GRIP1: variants seen among roughly 807,000 people sequenced by gnomAD.
The protein encoded by GRIP1 is glutamate receptor interacting protein 1.
A neutral mutation model predicts 129.9 loss-of-function variants in GRIP1; 45 were observed. That is an observed-to-expected ratio of 0.35 (90% CI 0.27 to 0.44). The LOEUF (loss-of-function observed/expected upper bound fraction) is 0.44, where lower values mean the gene tolerates loss of function less well. Among genes scored for constraint, GRIP1 ranks in the 20% least tolerant of loss-of-function variants. The probability of loss-of-function intolerance (pLI) is 1.00; values close to 1 mark genes in which losing one functional copy is unlikely to be tolerated. For missense variants in GRIP1, 1,196 were observed against 1,396.8 expected (o/e 0.86, Z 2.29); for synonymous variants, 530 against 520.8 (o/e 1.02, Z -0.24).
At chr12:66,743,392 A>T (rs138648526) in intron 1 of GRIP1, among the ~76,000 whole-genome samples, 3 of 152,144 alleles carry the variant, frequency 2.0e-5, no homozygotes, top group African/African-American at 7.2e-5. Context: ...GTGACCAGGG[A>T]AACTTTATTA....
intron 19 of GRIP1, among the ~76,000 whole-genome samples, chr12:66,386,574 C>G (rs889737625): frequency 6.6e-6 from 1 of 152,100 alleles, no homozygotes; most frequent in Non-Finnish European, 1.5e-5. Context: ...GCGGAGCTTA[C>G]AGTGAGCTGA....
intron 1 of GRIP1, among the ~76,000 whole-genome samples, chr12:66,759,400 C>T (rs999894329): frequency 1.3e-5 from 2 of 152,212 alleles, no homozygotes; most frequent in African/African-American, 2.4e-5. Flanking sequence ...GCCTCTGGGC[C>T]TGTGATGGGA....
At chr12:66,575,341 T>C (rs2063106069) in intron 2 of GRIP1, among the ~76,000 whole-genome samples, 1 of 152,172 alleles carries the variant, frequency 6.6e-6, no homozygotes, top group African/African-American at 2.4e-5. Context: ...CCCAGAAATA[T>C]TGGGAAAAAC....
intron 1 of GRIP1, among the ~76,000 whole-genome samples, chr12:66,891,070 T>G (rs1207901029): frequency 6.6e-6 from 1 of 152,246 alleles, no homozygotes; most frequent in African/African-American, 2.4e-5. Flanking sequence ...ATAAAGTAAC[T>G]AGAAGTCATG....
chr12:66,993,033 G>A (rs555030796), intron 1 of GRIP1, among the ~76,000 whole-genome samples: 1 of 152,062 alleles, frequency 6.6e-6, no homozygotes, highest in Non-Finnish European at 1.5e-5. Flanking sequence ...AGCATCTCTT[G>A]AGCCCAGGAG....
At chr12:66,789,587 T>G (rs1381828963) in intron 1 of GRIP1, among the ~76,000 whole-genome samples, 1 of 151,978 alleles carries the variant, frequency 6.6e-6, no homozygotes, top group African/African-American at 2.4e-5. Context: ...TACAAATAGA[T>G]AATGGTCCAT....
chr12:67,002,587 A>G (rs1292346324), intron 1 of GRIP1, among the ~76,000 whole-genome samples: 1 of 152,214 alleles, frequency 6.6e-6, no homozygotes. Context: ...TTAAAGAAAC[A>G]AAAACAATTA....
At chr12:66,859,903 C>T (rs1388710397) in intron 1 of GRIP1, among the ~76,000 whole-genome samples, 4 of 152,028 alleles carry the variant, frequency 2.6e-5, no homozygotes, top group Non-Finnish European at 5.9e-5. Flanking sequence ...ACTAATTCTT[C>T]ATCTGAAGGT....
At chr12:66,482,082 G>T (rs1478050708) in intron 7 of GRIP1, among the ~76,000 whole-genome samples, 5 of 152,084 alleles carry the variant, frequency 3.3e-5, no homozygotes, top group African/African-American at 1.2e-4. Context: ...ATGTATCCCA[G>T]AACTTAAAGT....
intron 1 of GRIP1, among the ~76,000 whole-genome samples, chr12:66,727,464 AAG>A (rs548265044): frequency 9.2e-4 from 140 of 152,266 alleles, no homozygotes; most frequent in Middle Eastern, 6.8e-3. Context: ...TGGTTGCAGA[AAG>A]AGAGACCCAT....
chr12:67,000,953 A>G (rs1276038748), intron 1 of GRIP1, among the ~76,000 whole-genome samples: 1 of 152,334 alleles, frequency 6.6e-6, no homozygotes, highest in East Asian at 1.9e-4. Flanking sequence ...ATCCTAAAAC[A>G]TTATTTGTTA....
At chr12:66,884,876 C>T (rs1011977426) in intron 1 of GRIP1, among the ~76,000 whole-genome samples, 1 of 152,146 alleles carries the variant, frequency 6.6e-6, no homozygotes, top group African/African-American at 2.4e-5. Context: ...GAAGCTGAGG[C>T]ATCCATTTCT....
intron 1 of GRIP1, among the ~76,000 whole-genome samples, chr12:66,825,876 C>A (rs1181602833): frequency 6.6e-6 from 1 of 152,154 alleles, no homozygotes; most frequent in African/African-American, 2.4e-5. Context: ...TAAATTAGTT[C>A]AACCGTTGTG....
chr12:66,544,693 T>C (rs960019305), intron 2 of GRIP1, among the ~76,000 whole-genome samples: 1 of 152,178 alleles, frequency 6.6e-6, no homozygotes, highest in Admixed American at 6.6e-5. Context: ...TAAGTATCTC[T>C]GGTCCCAGAA....
At chr12:67,061,620 C>T (rs929492100) in intron 1 of GRIP1, among the ~76,000 whole-genome samples, 1 of 152,166 alleles carries the variant, frequency 6.6e-6, no homozygotes. Flanking sequence ...TACAACCATT[C>T]CCTCTCTTTC....
Position 66,348,094 on chromosome 12 carries a change from A to AAGAT in GRIP1, c.*921_*924dup, listed in dbSNP as rs1344661354. ...CGGTAAGTGGCATGGCTCAGAGCAA[A>AAGAT]AGATAGTCCAGTGTCATTTTTAAGT... is the stretch of plus-strand genomic sequence containing the variant. On this transcript the variant is annotated 3_prime_UTR_variant, in exon 25 of 25. Transcript: ENST00000359742. 3 of 152,326 alleles carry AAGAT rather than the reference A, an allele frequency of 2.0e-5. No individual in the cohort carries two copies. Among genetic ancestry groups the AAGAT allele is most frequent in the African/African-American group, 4.8e-5 (2 of 41,576 alleles). The allele number at this position is 152,326 out of a possible 1,614,324, so 9.4% of individuals were successfully genotyped here.
At chr12:66,728,120 T>C (rs1183774951) in intron 1 of GRIP1, among the ~76,000 whole-genome samples, 1 of 152,190 alleles carries the variant, frequency 6.6e-6, no homozygotes, top group Non-Finnish European at 1.5e-5. Flanking sequence ...CCTTGAGGGC[T>C]TTCATGTTAC....
At chr12:66,953,776 A>G (rs1228294529) in intron 1 of GRIP1, among the ~76,000 whole-genome samples, 1 of 152,220 alleles carries the variant, frequency 6.6e-6, no homozygotes, top group African/African-American at 2.4e-5. Context: ...ACAAAACTGA[A>G]TAACACTGAG....
At chr12:66,460,480 T>C (rs1277526033) in intron 9 of GRIP1, among the ~76,000 whole-genome samples, 1 of 152,218 alleles carries the variant, frequency 6.6e-6, no homozygotes, top group Non-Finnish European at 1.5e-5. Flanking sequence ...TCTGGTCACA[T>C]TTTCCTTTCC....
Sources: gnomAD v4.1 joint callset for allele counts (sites outside exome capture counted in the v4.1 genomes callset) on GRCh38, gnomAD v4.1.1 for gene constraint, MANE v1.5 for transcripts, NCBI Gene and HGNC (gene_info 2026-07-23, HGNC 2026-07-21) for gene names.